OSMR: variants seen among roughly 807,000 people sequenced by gnomAD.
The protein encoded by OSMR is oncostatin-M-specific receptor subunit beta.
In OSMR, 81 loss-of-function variants were observed where a neutral mutation model predicts 99.9. That is an observed-to-expected ratio of 0.81 (90% CI 0.68 to 0.97). The LOEUF is 0.97. OSMR is among the 50% of genes least tolerant of loss of function. OSMR has a pLI of 0.00. For missense variants in OSMR, 1,099 were observed against 1,153.4 expected (o/e 0.95, Z 0.68); for synonymous variants, 406 against 410.4 (o/e 0.99, Z 0.13).
chr5:38,846,722 C>G (rs1739858075), intron 1 of OSMR, among the ~76,000 whole-genome samples: 1 of 152,162 alleles, frequency 6.6e-6, no homozygotes, highest in Non-Finnish European at 1.5e-5. Flanking sequence ...CCGGGCGACT[C>G]TGCAATAGCG....
At chr5:38,892,151 C>T (rs1421294160) in intron 7 of OSMR, among the ~76,000 whole-genome samples, 1 of 152,032 alleles carries the variant, frequency 6.6e-6, no homozygotes, top group Non-Finnish European at 1.5e-5. Flanking sequence ...ATGTCATGCA[C>T]CCCACAGCTG....
chr5:38,881,656 C>G lies in OSMR; in HGVS notation c.310C>G (p.Pro104Ala), dbSNP rs1743293691. Reference protein sequence around the residue: ...VLHWSWESELPLECATHFVRI... With the variant: ...VLHWSWESELALECATHFVRI... Reference sequence around the variant, plus strand: ...GCATTGGAGCTGGGAATCTGAGCTCCCTTTGGAATGTGCCACACACTTTGT... The same window carrying G: ...GCATTGGAGCTGGGAATCTGAGCTCGCTTTGGAATGTGCCACACACTTTGT... The change falls in exon 4 of 18, where the codon CCT becomes GCT. Residue 104 changes from proline to alanine, a missense_variant. Coordinates refer to ENST00000274276, the MANE Select transcript of OSMR (RefSeq NM_003999.3). The G allele has an allele frequency of 6.2e-7, 1 of 1,614,010 alleles. No individual in the cohort carries two copies. The highest frequency in any genetic ancestry group is 8.5e-7 in the Non-Finnish European group (1 of 1,180,016).
intron 4 of OSMR, among the ~76,000 whole-genome samples, chr5:38,882,674 A>G (rs891215240): frequency 3.3e-5 from 5 of 152,198 alleles, no homozygotes; most frequent in Admixed American, 6.5e-5. Context: ...ATATGGAAAA[A>G]TGAAAGTGGT....
chr5:38,862,835 C>T (rs1356349114), intron 1 of OSMR, among the ~76,000 whole-genome samples: 6 of 151,010 alleles, frequency 4.0e-5, no homozygotes, highest in African/African-American at 1.2e-4. Flanking sequence ...GAGGTTGTAG[C>T]GAGCCGAGAT....
At chr5:38,938,846 C>T, downstream of OSMR, 1 of 233,086 alleles carries the variant, frequency 4.3e-6, no homozygotes, top group East Asian at 6.1e-5. Context: ...TCCTAACTTA[C>T]ATTTTGGAAA....
chr5:38,852,891 C>T lies in OSMR; in HGVS notation c.-14+6504C>T, dbSNP rs533719672. Among the ~76,000 whole-genome samples the T allele has an allele frequency of 1.5e-4, 22 of 151,684 alleles. No homozygotes were observed. In the East Asian group the frequency reaches 1.6e-3, roughly 11 times the overall value. On this transcript the variant is annotated intron_variant, in intron 1 of 17. Coordinates refer to ENST00000274276, the MANE Select transcript of OSMR (RefSeq NM_003999.3). Reference sequence around the variant, plus strand: ...GATTACAGGCGCCCACCACCACGCCCGGCTAATTTTTTGTATTTTTTAGTA... The same window carrying T: ...GATTACAGGCGCCCACCACCACGCCTGGCTAATTTTTTGTATTTTTTAGTA...
chr5:38,888,716 C>G (rs141631170), intron 7 of OSMR, among the ~76,000 whole-genome samples: 1 of 152,126 alleles, frequency 6.6e-6, no homozygotes, highest in Non-Finnish European at 1.5e-5. Context: ...GTTACATCAT[C>G]TCCCTTTTAA....
At position 38,932,535 on chromosome 5, in the gene OSMR, G is replaced by A. The variant is rs759103233; in HGVS notation, c.2367G>A (p.Lys789=). The stretch of plus-strand genomic sequence containing the variant: ...GCATCCTGTCATTAATAAAATTCAA[G>A]GTAAATGTTGGCAAATTGTATGTAT... ...KSSILSLIKF[K]ENPHLIIMNV... is the part of the protein sequence containing the mutation. The change falls in exon 17 of 18, where the codon AAG becomes AAA. Residue 789 remains lysine, a splice_region_variant and synonymous_variant. Coordinates refer to ENST00000274276, the MANE Select transcript of OSMR (RefSeq NM_003999.3). 4.3e-6 allele frequency: 7 copies of A among 1,612,260 alleles called. No individual in the cohort carries two copies. Among genetic ancestry groups the A allele is most frequent in the Non-Finnish European group, 5.9e-6 (7 of 1,178,456 alleles).
At chr5:38,878,893 C>G (rs1743041400) in intron 3 of OSMR, among the ~76,000 whole-genome samples, 1 of 152,178 alleles carries the variant, frequency 6.6e-6, no homozygotes, top group African/African-American at 2.4e-5. Context: ...AAATACAACT[C>G]ATTGCATATT....
At chr5:38,897,511 A>T (rs1190647156) in intron 7 of OSMR, among the ~76,000 whole-genome samples, 1 of 151,480 alleles carries the variant, frequency 6.6e-6, no homozygotes, top group Non-Finnish European at 1.5e-5. Context: ...TTTATCTTTG[A>T]TTTTATTTAT....
intron 1 of OSMR, among the ~76,000 whole-genome samples, chr5:38,861,576 C>G (rs1006183698): frequency 2.6e-5 from 4 of 152,272 alleles, no homozygotes; most frequent in East Asian, 1.9e-4. Flanking sequence ...CCTTTCCCCC[C>G]TCTCTATTCC....
At chr5:38,919,600 A>G (rs761151854) in intron 11 of OSMR, 9 of 309,718 alleles carry the variant, frequency 2.9e-5, no homozygotes, top group Non-Finnish European at 5.6e-5. Context: ...ATGCCCTTAC[A>G]TGCCAAATCA....
intron 1 of OSMR, among the ~76,000 whole-genome samples, chr5:38,862,358 T>G (rs1440664069): frequency 1.1e-5 from 1 of 87,184 alleles, no homozygotes; most frequent in East Asian, 6.2e-4. Context: ...CACTTCCCAG[T>G]AGGGGCGGCC....
chr5:38,867,420 G>A (rs1015590124), intron 1 of OSMR, among the ~76,000 whole-genome samples: 17 of 152,142 alleles, frequency 1.1e-4, no homozygotes, highest in Admixed American at 9.8e-4. Context: ...TTACTGAATC[G>A]CTGGCTTTTG....
At chr5:38,917,324 G>A (rs949689857) in intron 9 of OSMR, 1 of 650,610 alleles carries the variant, frequency 1.5e-6, no homozygotes, top group Non-Finnish European at 1.9e-6. Context: ...GGCTTTCAGA[G>A]GCAGCTGACC....
In OSMR at chr5:38,933,611, T is replaced by G. The variant is rs1193829093; in HGVS notation, c.*167T>G. ...GGTTAAAGGCCAGAGGCTATGGAACTTAACACTCCCCATTGGAGCAAGCTT... is the reference window on the plus strand; with the variant it reads ...GGTTAAAGGCCAGAGGCTATGGAACGTAACACTCCCCATTGGAGCAAGCTT... On this transcript the variant is annotated 3_prime_UTR_variant, in exon 18 of 18. Transcript: ENST00000274276. 1.4e-6 allele frequency: 1 copy of G among 702,784 alleles called. No homozygotes were observed. The highest frequency in any genetic ancestry group is 2.7e-5 in the East Asian group (1 of 36,816). 43.5% of individuals were successfully genotyped at this position (702,784 alleles called of 1,614,324 possible). A position where few individuals can be genotyped will look rare whatever the true frequency, so the allele number is the denominator to read the frequency against.
At chr5:38,885,702 A>G (rs1743678890) in intron 6 of OSMR, among the ~76,000 whole-genome samples, 4 of 152,230 alleles carry the variant, frequency 2.6e-5, no homozygotes. Flanking sequence ...CATGGTAAGA[A>G]AGACAGTTAA....
chr5:38,873,464 C>G (rs1256264133), intron 2 of OSMR, among the ~76,000 whole-genome samples: 1 of 152,156 alleles, frequency 6.6e-6, no homozygotes, highest in Admixed American at 6.5e-5. Context: ...AATGGAATTG[C>G]TGGGTTATAT....
chr5:38,847,480 C>T (rs559275606), intron 1 of OSMR, among the ~76,000 whole-genome samples: 1 of 147,352 alleles, frequency 6.8e-6, no homozygotes, highest in Admixed American at 6.9e-5. Flanking sequence ...GATCACCGTG[C>T]TGTAGCTCAA....
Sources: gnomAD v4.1 joint callset for allele counts (sites outside exome capture counted in the v4.1 genomes callset) on GRCh38, gnomAD v4.1.1 for gene constraint, MANE v1.5 for transcripts, NCBI Gene and HGNC (gene_info 2026-07-23, HGNC 2026-07-21) for gene names.